The following SLC24A4 variants were observed in gnomAD, a reference collection of about 807,000 sequenced individuals.
SLC24A4 encodes solute carrier family 24 member 4, also known as sodium/potassium/calcium exchanger 4.
SLC24A4 carries 53 observed loss-of-function variants against 79.0 expected under a neutral mutation model. The ratio of observed to expected loss-of-function variants is 0.67; its 90% CI spans 0.54 to 0.84. The LOEUF is 0.84. Among genes scored for constraint, SLC24A4 ranks in the 40% least tolerant of loss-of-function variants. SLC24A4 has a pLI of 0.00. For missense variants in SLC24A4, 731 were observed against 822.0 expected (o/e 0.89, Z 1.35); for synonymous variants, 323 against 323.8 (o/e 1.00, Z 0.03).
At chr14:92,349,173 T>G (rs1886720812) in intron 2 of SLC24A4, among the ~76,000 whole-genome samples, 2 of 152,094 alleles carry the variant, frequency 1.3e-5, no homozygotes, top group African/African-American at 2.4e-5. Context: ...GATTTTTTTT[T>G]TTTTTTGATA....
chr14:92,363,846 A>G (rs889687686), intron 2 of SLC24A4, among the ~76,000 whole-genome samples: 4 of 151,908 alleles, frequency 2.6e-5, no homozygotes, highest in African/African-American at 9.7e-5. Context: ...AAAGAAAAGA[A>G]AAGAAAAAGA....
intron 2 of SLC24A4, among the ~76,000 whole-genome samples, chr14:92,399,847 C>T (rs1248171276): frequency 1.3e-5 from 2 of 152,034 alleles, no homozygotes; most frequent in Non-Finnish European, 2.9e-5. Flanking sequence ...CTTGTTTGAG[C>T]ATTGGAGGGT....
At chr14:92,428,229 C>A (rs1056164745) in intron 2 of SLC24A4, among the ~76,000 whole-genome samples, 2 of 152,160 alleles carry the variant, frequency 1.3e-5, no homozygotes, top group African/African-American at 4.8e-5. Context: ...GTCTGTGTAA[C>A]CTTGGTTGCC....
At chr14:92,469,710 A>G (rs1243452923) in intron 12 of SLC24A4, among the ~76,000 whole-genome samples, 4 of 152,232 alleles carry the variant, frequency 2.6e-5, no homozygotes, top group Non-Finnish European at 5.9e-5. Context: ...TGGTATATCC[A>G]TATAATAGAA....
chr14:92,375,094 C>T (rs1888427086), intron 2 of SLC24A4, among the ~76,000 whole-genome samples: 1 of 152,206 alleles, frequency 6.6e-6, no homozygotes, highest in Non-Finnish European at 1.5e-5. Flanking sequence ...ACTAGATTCC[C>T]CTCAAACAGT....
At chr14:92,328,165 G>T (rs1012950842) in intron 2 of SLC24A4, among the ~76,000 whole-genome samples, 1 of 152,200 alleles carries the variant, frequency 6.6e-6, no homozygotes, top group African/African-American at 2.4e-5. Flanking sequence ...GGGGTCTGTG[G>T]CCAGCCTTCC....
intron 3 of SLC24A4, 87 bp downstream of exon 3, chr14:92,434,075 T>A: frequency 2.9e-6 from 3 of 1,035,006 alleles, no homozygotes; most frequent in Non-Finnish European, 4.6e-6. Context: ...GTGTCTGAGA[T>A]CTTTTATTCT....
At chr14:92,422,985 A>ATT (rs61470855) in intron 2 of SLC24A4, among the ~76,000 whole-genome samples, 1 of 151,886 alleles carries the variant, frequency 6.6e-6, no homozygotes, top group Non-Finnish European at 1.5e-5. Flanking sequence ...TAATTTTTGT[A>ATT]TTTTTTTAAG....
rs1894811602 is a variant in SLC24A4, at chr14:92,477,180, C to T, written c.1256-5500C>T. ...TATGACGGTTCCTATTTTCCCACAC[C>T]CTCACCAATACTTGTTATTTATCTT... is the stretch of plus-strand genomic sequence containing the variant. On this transcript the variant is annotated intron_variant, in intron 12 of 16. Transcript: ENST00000532405. 2.0e-5 allele frequency among the ~76,000 whole-genome samples: 3 copies of T among 152,150 alleles called. 1 individual carries two copies. In the South Asian group the frequency reaches 6.2e-4, roughly 32 times the overall value.
chr14:92,361,138 T>G (rs559080716), intron 2 of SLC24A4, among the ~76,000 whole-genome samples: 12 of 152,280 alleles, frequency 7.9e-5, no homozygotes, highest in African/African-American at 2.2e-4. Context: ...TGTGGAGCAT[T>G]GCAGAAGGCT....
intron 2 of SLC24A4, among the ~76,000 whole-genome samples, chr14:92,386,727 G>A (rs1595199958): frequency 6.6e-6 from 1 of 152,202 alleles, no homozygotes; most frequent in African/African-American, 2.4e-5. Flanking sequence ...TGACGTTTCT[G>A]CTAATCCGTG....
At chr14:92,429,705 A>G (rs1891759235) in intron 2 of SLC24A4, among the ~76,000 whole-genome samples, 1 of 152,210 alleles carries the variant, frequency 6.6e-6, no homozygotes, top group African/African-American at 2.4e-5. Flanking sequence ...ACATGCTCCA[A>G]TAAAGAGAGC....
chr14:92,469,187 C>T (rs966098262), intron 12 of SLC24A4, among the ~76,000 whole-genome samples: 5 of 152,032 alleles, frequency 3.3e-5, no homozygotes, highest in African/African-American at 1.2e-4. Flanking sequence ...AAAATTGGAG[C>T]CCTCATACAT....
At chr14:92,423,058 A>C (rs1002784333) in intron 2 of SLC24A4, among the ~76,000 whole-genome samples, 3 of 151,466 alleles carry the variant, frequency 2.0e-5, no homozygotes, top group Non-Finnish European at 4.4e-5. Flanking sequence ...CAATCCTCCC[A>C]CCTCAGCCTC....
At chr14:92,458,476 G>C (rs546285333) in intron 12 of SLC24A4, among the ~76,000 whole-genome samples, 36 of 152,316 alleles carry the variant, frequency 2.4e-4, no homozygotes, top group African/African-American at 8.7e-4. Context: ...GAGAGGTCAC[G>C]CCATGCTTGG....
At position 92,332,234 on chromosome 14, in the gene SLC24A4, A is replaced by T. The variant is rs148861366; in HGVS notation, c.241+6256A>T. Among the ~76,000 whole-genome samples, 5 of 152,188 alleles carry T rather than the reference A, an allele frequency of 3.3e-5. No individual in the cohort carries two copies. The East Asian group carries it at 9.6e-4, about 29-fold the overall frequency. The stretch of plus-strand genomic sequence containing the variant: ...GAAGTGGAGGTTGCAGTGAGCCGAG[A>T]TCGCACCACTGCACTCCAGCCTGGG... On this transcript the variant is annotated intron_variant, in intron 2 of 16. Coordinates refer to ENST00000532405, the MANE Select transcript of SLC24A4 (RefSeq NM_153646.4).
chr14:92,406,588 T>A (rs1467558055), intron 2 of SLC24A4, among the ~76,000 whole-genome samples: 1 of 152,208 alleles, frequency 6.6e-6, no homozygotes, highest in Non-Finnish European at 1.5e-5. Flanking sequence ...TCTGCACACC[T>A]ACAGGCCCAA....
In SLC24A4 at chr14:92,443,533, C is replaced by A. The variant is rs2139814867; in HGVS notation, c.657+59C>A. ...GCTGGGACCCTGCGAAGGCACAGGA[C>A]CCCTGCCCATCTCTGCCCCTGGCAC... On this transcript the variant is annotated intron_variant, in intron 7 of 16. Transcript: ENST00000532405. 14 of 1,541,742 alleles carry A rather than the reference C, an allele frequency of 9.1e-6. No individual in the cohort carries two copies. The South Asian group carries it at 1.5e-4, about 16-fold the overall frequency.
chr14:92,360,861 G>C (rs991856148), intron 2 of SLC24A4, among the ~76,000 whole-genome samples: 1 of 152,172 alleles, frequency 6.6e-6, no homozygotes, highest in African/African-American at 2.4e-5. Context: ...GCTCCTCTCA[G>C]GGTTTCTACG....
Sources: gnomAD v4.1 joint callset for allele counts (sites outside exome capture counted in the v4.1 genomes callset) on GRCh38, gnomAD v4.1.1 for gene constraint, MANE v1.5 for transcripts, NCBI Gene and HGNC (gene_info 2026-07-23, HGNC 2026-07-21) for gene names.